GINS4: variants seen among roughly 807,000 people sequenced by gnomAD.
GINS4 encodes DNA replication complex GINS protein SLD5.
Under a neutral mutation model 31.1 loss-of-function variants are expected in GINS4, and 20 were observed. The observed-to-expected ratio is 0.64, with a 90% confidence interval of 0.45 to 0.93. The LOEUF (loss-of-function observed/expected upper bound fraction) is 0.93. GINS4 is among the 40% of genes least tolerant of loss of function. The probability of loss-of-function intolerance (pLI) is 0.00; values close to 1 mark genes in which losing one functional copy is unlikely to be tolerated. For missense variants in GINS4, 245 were observed against 273.9 expected (o/e 0.89, Z 0.75); for synonymous variants, 85 against 97.9 (o/e 0.87, Z 0.78).
intron 2 of GINS4, among the ~76,000 whole-genome samples, chr8:41,534,754 A>G (rs1463523868): frequency 6.6e-6 from 1 of 150,782 alleles, no homozygotes; most frequent in Non-Finnish European, 1.5e-5. Context: ...TTTTTTTGAG[A>G]TGGAGTCTTG....
intron 4 of GINS4, among the ~76,000 whole-genome samples, chr8:41,538,660 T>G (rs981770035): frequency 6.6e-6 from 1 of 151,728 alleles, no homozygotes; most frequent in Non-Finnish European, 1.5e-5. Context: ...ATTAGCTGTC[T>G]CTTAATACTT....
Position 41,530,202 on chromosome 8 carries a change from G to A in GINS4, c.-1G>A. The A allele has an allele frequency of 6.2e-7, 1 of 1,611,556 alleles. No individual in the cohort carries two copies. The highest frequency in any genetic ancestry group is 8.5e-7 in the Non-Finnish European group (1 of 1,177,808). ...TCATTAGGTTCCTGGTTTCAGAGAA[G>A]ATGACCGAAGAAGTGGATTTCCTGG... On this transcript the variant is annotated 5_prime_UTR_variant, in exon 2 of 8. Coordinates refer to ENST00000276533, the MANE Select transcript of GINS4 (RefSeq NM_032336.3).
At chr8:41,533,599 GC>G (rs1420352259) in intron 2 of GINS4, among the ~76,000 whole-genome samples, 2 of 152,220 alleles carry the variant, frequency 1.3e-5, no homozygotes, top group Non-Finnish European at 2.9e-5. Context: ...CAAAGGGACA[GC>G]CTGACAGGGC....
At chr8:41,532,479 C>T (rs953977955) in intron 2 of GINS4, among the ~76,000 whole-genome samples, 11 of 151,988 alleles carry the variant, frequency 7.2e-5, no homozygotes, top group African/African-American at 2.2e-4. Context: ...TCATTTGAAC[C>T]CAGGAGTTTG....
At chr8:41,532,114 T>C (rs1372346227) in intron 2 of GINS4, among the ~76,000 whole-genome samples, 3 of 152,192 alleles carry the variant, frequency 2.0e-5, no homozygotes, top group Admixed American at 2.0e-4. Context: ...CTGTTTGTAC[T>C]TCTGGATTAG....
chr8:41,539,812 G>C, intron 5 of GINS4, 37 bp downstream of exon 5: 1 of 1,594,670 alleles, frequency 6.3e-7, no homozygotes. Flanking sequence ...GCACCTGGCT[G>C]GTTCAGCATG....
At position 41,544,331 on chromosome 8, in the gene GINS4, C is replaced by G. The variant is rs998195048; in HGVS notation, c.*2244C>G. On this transcript the variant is annotated 3_prime_UTR_variant, in exon 8 of 8. Coordinates refer to ENST00000276533, the MANE Select transcript of GINS4 (RefSeq NM_032336.3). ...TTTGGTCCCCCACAGTCCTGAGAAG[C>G]GGGCAGGGCTGTGGGAAACAGCAGA... 1.3e-5 allele frequency: 2 copies of G among 152,196 alleles called. No individual in the cohort carries two copies. The highest frequency in any genetic ancestry group is 2.1e-4 in the South Asian group (1 of 4,830). 9.4% of individuals were successfully genotyped at this position (152,196 alleles called of 1,614,324 possible). A position where few individuals can be genotyped will look rare whatever the true frequency, so the allele number is the denominator to read the frequency against.
chr8:41,530,025 A>C (rs1036243155), intron 1 of GINS4, 159 bp from the exon 2 acceptor site: 1 of 567,426 alleles, frequency 1.8e-6, no homozygotes, highest in Admixed American at 3.3e-5. Context: ...AGAGGCAGAC[A>C]CTGGAAAACT....
chr8:41,530,050 C>G (rs568041431), intron 1 of GINS4, 134 bp from the exon 2 acceptor site: 6 of 586,410 alleles, frequency 1.0e-5, no homozygotes, highest in Middle Eastern at 8.5e-4. Context: ...TCCCTGCGTT[C>G]TCTCACCACT....
At position 41,544,997 on chromosome 8, in the gene GINS4, C is replaced by T. The variant is rs1806907541; in HGVS notation, c.*2910C>T. 2 of 152,136 alleles carry T rather than the reference C, an allele frequency of 1.3e-5. No homozygotes were observed. Among genetic ancestry groups the T allele is most frequent in the African/African-American group, 4.8e-5 (2 of 41,412 alleles). 9.4% of individuals were successfully genotyped at this position (152,136 alleles called of 1,614,324 possible). On this transcript the variant is annotated 3_prime_UTR_variant, in exon 8 of 8. Transcript: ENST00000276533. Reference sequence around the variant, plus strand: ...TTCAAGAGAAGACTGGTTTTGATGTCATTTTTAAATAAAGGAGAAGTTGAA... The same window carrying T: ...TTCAAGAGAAGACTGGTTTTGATGTTATTTTTAAATAAAGGAGAAGTTGAA...
chr8:41,536,226 C>G, intron 2 of GINS4, 134 bp from the exon 3 acceptor site: 1 of 718,814 alleles, frequency 1.4e-6, no homozygotes, highest in East Asian at 2.6e-5. Context: ...AAAACACCTT[C>G]AATGTTTCCA....
intron 5 of GINS4, 50 bp from the exon 6 acceptor site, chr8:41,539,866 G>T: frequency 6.3e-7 from 1 of 1,593,164 alleles, no homozygotes; most frequent in Non-Finnish European, 8.6e-7. Context: ...GCTAACCTTG[G>T]ACGTCCATCA....
Position 41,537,165 on chromosome 8 carries a change from T to C in GINS4, c.184-15T>C. 1.3e-6 allele frequency: 2 copies of C among 1,547,696 alleles called. No individual in the cohort carries two copies. Among genetic ancestry groups the C allele is most frequent in the Middle Eastern group, 1.7e-4 (1 of 5,950 alleles). On this transcript the variant is annotated splice_polypyrimidine_tract_variant and intron_variant, in intron 3 of 7. Transcript: ENST00000276533. ...ACATCATGTTTTTTATAAACCTTAATTTCTCATTTAATAGGAAGAAAATCT... is the reference window on the plus strand; with the variant it reads ...ACATCATGTTTTTTATAAACCTTAACTTCTCATTTAATAGGAAGAAAATCT...
chr8:41,532,832 CAAAA>C (rs369894142), intron 2 of GINS4, among the ~76,000 whole-genome samples: 1 of 67,782 alleles, frequency 1.5e-5, no homozygotes, highest in African/African-American at 5.9e-5. Context: ...GACTCCATCT[CAAAA>C]AAAAAAAAAA....
chr8:41,542,117 C>T lies in GINS4; in HGVS notation c.*30C>T, dbSNP rs746068571. 24 of 1,544,766 alleles carry T rather than the reference C, an allele frequency of 1.6e-5. No individual in the cohort carries two copies. Among genetic ancestry groups the T allele is most frequent in the Non-Finnish European group, 2.0e-5 (22 of 1,117,344 alleles). ...AGGCATAAACAGCCAGGCATGGTGACTCAAGCCTGTAATCCCAGCACTTTG... is the reference window on the plus strand; with the variant it reads ...AGGCATAAACAGCCAGGCATGGTGATTCAAGCCTGTAATCCCAGCACTTTG... On this transcript the variant is annotated 3_prime_UTR_variant, in exon 8 of 8. Coordinates refer to ENST00000276533, the MANE Select transcript of GINS4 (RefSeq NM_032336.3).
At chr8:41,534,912 G>A (rs1333270575) in intron 2 of GINS4, among the ~76,000 whole-genome samples, 4 of 152,092 alleles carry the variant, frequency 2.6e-5, no homozygotes, top group Non-Finnish European at 5.9e-5. Flanking sequence ...TTTTAGTGGA[G>A]ACGGAGTTTC....
chr8:41,531,978 G>A lies in GINS4; in HGVS notation c.96+1680G>A, dbSNP rs143936296. Among the ~76,000 whole-genome samples, 930 of 152,274 alleles carry A rather than the reference G, an allele frequency of 6.1e-3. 8 individuals carry two copies. Among genetic ancestry groups the A allele is most frequent in the African/African-American group, 0.021 (860 of 41,548 alleles). Reference sequence around the variant, plus strand: ...GGCTACTTTTTGTATTTTTAGTAGAGATGGGGTTTCACCATATTGGGTTTC... The same window carrying A: ...GGCTACTTTTTGTATTTTTAGTAGAAATGGGGTTTCACCATATTGGGTTTC... On this transcript the variant is annotated intron_variant, in intron 2 of 7. Coordinates refer to ENST00000276533, the MANE Select transcript of GINS4 (RefSeq NM_032336.3).
Position 41,542,986 on chromosome 8 carries a change from TAAG to T in GINS4, c.*903_*905del, listed in dbSNP as rs1170327619. The T allele has an allele frequency of 6.6e-6, 1 of 152,236 alleles. No homozygotes were observed. Among genetic ancestry groups the T allele is most frequent in the Admixed American group, 6.5e-5 (1 of 15,286 alleles). 9.4% of individuals were successfully genotyped at this position (152,236 alleles called of 1,614,324 possible). On this transcript the variant is annotated 3_prime_UTR_variant, in exon 8 of 8. Coordinates refer to ENST00000276533, the MANE Select transcript of GINS4 (RefSeq NM_032336.3). The stretch of plus-strand genomic sequence containing the variant: ...AGGAAAGTCAGGCAGAAGTAGTTCA[TAAG>T]AAGGCATCACTGCCTGTGATCGGGG...
At position 41,543,800 on chromosome 8, in the gene GINS4, G is replaced by A. The variant is rs957597018; in HGVS notation, c.*1713G>A. 3 of 151,886 alleles carry A rather than the reference G, an allele frequency of 2.0e-5. No individual in the cohort carries two copies. The highest frequency in any genetic ancestry group is 6.6e-5 in the Admixed American group (1 of 15,240). 9.4% of individuals were successfully genotyped at this position (151,886 alleles called of 1,614,324 possible). On this transcript the variant is annotated 3_prime_UTR_variant, in exon 8 of 8. Transcript: ENST00000276533. Reference sequence around the variant, plus strand: ...GGCTCACTGCAGCCTCCACCTCCTGGGTTCAAGAGATTCTCCTGCCCCAGC... The same window carrying A: ...GGCTCACTGCAGCCTCCACCTCCTGAGTTCAAGAGATTCTCCTGCCCCAGC...
Sources: allele counts gnomAD v4.1 joint callset (sites outside exome capture counted in the v4.1 genomes callset), GRCh38; gene constraint gnomAD v4.1.1; transcripts MANE v1.5; gene names NCBI Gene and HGNC (gene_info 2026-07-23, HGNC 2026-07-21).